RTKN2: variants seen among roughly 807,000 people sequenced by gnomAD.
RTKN2 encodes the protein rhotekin 2.
Under a neutral mutation model 71.5 loss-of-function variants are expected in RTKN2, and 69 were observed. The ratio of observed to expected loss-of-function variants is 0.96; its 90% CI spans 0.79 to 1.18. The LOEUF (loss-of-function observed/expected upper bound fraction) is 1.18, where lower values mean the gene tolerates loss of function less well. Ranked by LOEUF, RTKN2 falls within the 50% of genes most tolerant of loss-of-function variation. RTKN2 has a pLI of 0.00. For missense variants in RTKN2, 724 were observed against 719.7 expected (o/e 1.01, Z -0.07); for synonymous variants, 236 against 236.5 (o/e 1.00, Z 0.02).
chr10:62,197,837 TA>T lies in RTKN2; in HGVS notation c.*70del. The T allele has an allele frequency of 6.7e-7, 1 of 1,485,352 alleles. No homozygotes were observed. Among genetic ancestry groups the T allele is most frequent in the Non-Finnish European group, 9.0e-7 (1 of 1,115,714 alleles). The allele number at this position is 1,485,352 out of a possible 1,614,324, so 92.0% of individuals were successfully genotyped here. A position where few individuals can be genotyped will look rare whatever the true frequency, so the allele number is the denominator to read the frequency against. The stretch of plus-strand genomic sequence containing the variant: ...TATATTTACCTATATAATTACACAT[TA>T]TTCTATAATGCCTCTGAATTAAGCT... On this transcript the variant is annotated 3_prime_UTR_variant, in exon 12 of 12. Transcript: ENST00000373789.
Position 62,204,977 on chromosome 10 carries a change from G to A in RTKN2, c.1066C>T (p.His356Tyr). 1 of 1,597,694 alleles carries A rather than the reference G, an allele frequency of 6.3e-7. No individual in the cohort carries two copies. Among genetic ancestry groups the A allele is most frequent in the Non-Finnish European group, 8.5e-7 (1 of 1,174,726 alleles). ...ACAGGATTGATGACAGAGAAATTAT[G>A]GATTCTTTTCTTGGCATCCTTATCC... Reference protein sequence around the residue: ...AMDKDAKKRIHNFSVINPVPG... With the variant: ...AMDKDAKKRIYNFSVINPVPG... The change falls in exon 10 of 12, where the codon CAT becomes TAT. Residue 356 changes from histidine (H) to tyrosine (Y), a missense_variant. Transcript: ENST00000373789.
At chr10:62,186,472 AG>A (rs777096721) in intron 8 of RTKN2, among the ~76,000 whole-genome samples, 2 of 147,946 alleles carry the variant, frequency 1.4e-5, no homozygotes, top group Non-Finnish European at 3.0e-5. Flanking sequence ...CGGAATGAAA[AG>A]GAGATTAAAG....
intron 8 of RTKN2, among the ~76,000 whole-genome samples, chr10:62,184,616 T>C (rs372682613): frequency 6.6e-6 from 1 of 152,206 alleles, no homozygotes; most frequent in African/African-American, 2.4e-5. Flanking sequence ...AAACAGAGGC[T>C]GGATATTCAT....
At chr10:62,261,521 C>T (rs927109907) in intron 2 of RTKN2, among the ~76,000 whole-genome samples, 104 of 152,084 alleles carry the variant, frequency 6.8e-4, no homozygotes, top group African/African-American at 2.4e-3. Flanking sequence ...TGTGGTGGCA[C>T]ACGCCTATAG....
At position 62,224,452 on chromosome 10, in the gene RTKN2, C is replaced by T. The variant is rs1841976778; in HGVS notation, c.687-1120G>A. On this transcript the variant is annotated intron_variant, in intron 6 of 11. Coordinates refer to ENST00000373789, the MANE Select transcript of RTKN2 (RefSeq NM_145307.4). ...TGCAAATTATTTGTTTTAATTCACA[C>T]AAATGTTTCTCTGAAGGGTCCCCGT... 2.6e-5 allele frequency among the ~76,000 whole-genome samples: 4 copies of T among 152,072 alleles called. No homozygotes were observed. The South Asian group carries it at 6.2e-4, about 24-fold the overall frequency.
chr10:62,204,299 A>G (rs1258666662), intron 10 of RTKN2, among the ~76,000 whole-genome samples: 3 of 152,212 alleles, frequency 2.0e-5, no homozygotes, highest in Non-Finnish European at 2.9e-5. Flanking sequence ...TATTTTATAC[A>G]CTAGAGCCCT....
intron 3 of RTKN2, 140 bp from the exon 4 acceptor site, chr10:62,241,335 T>C: frequency 3.6e-6 from 2 of 561,878 alleles, no homozygotes; most frequent in Non-Finnish European, 6.3e-6. Context: ...GCACATTTTC[T>C]AGACATTGTT....
In RTKN2 at chr10:62,197,802, T is replaced by C. The variant is rs920418116; in HGVS notation, c.*106A>G. 24 of 1,434,500 alleles carry C rather than the reference T, an allele frequency of 1.7e-5. No individual in the cohort carries two copies. Among genetic ancestry groups the C allele is most frequent in the African/African-American group, 4.3e-5 (3 of 69,416 alleles). The allele number at this position is 1,434,500 out of a possible 1,614,324, so 88.9% of individuals were successfully genotyped here. Reference sequence around the variant, plus strand: ...TACCTAATAGCTTATTAATTATTGGTATAAATCACTATATTTACCTATATA... The same window carrying C: ...TACCTAATAGCTTATTAATTATTGGCATAAATCACTATATTTACCTATATA... On this transcript the variant is annotated 3_prime_UTR_variant, in exon 12 of 12. Coordinates refer to ENST00000373789, the MANE Select transcript of RTKN2 (RefSeq NM_145307.4).
chr10:62,221,650 G>A (rs532359890), intron 7 of RTKN2, among the ~76,000 whole-genome samples: 1 of 152,072 alleles, frequency 6.6e-6, no homozygotes, highest in Non-Finnish European at 1.5e-5. Context: ...TATAACTATG[G>A]GTCGAAAAAT....
intron 9 of RTKN2, among the ~76,000 whole-genome samples, chr10:62,213,931 G>C (rs1388144645): frequency 6.6e-6 from 1 of 151,930 alleles, no homozygotes; most frequent in Non-Finnish European, 1.5e-5. Context: ...TATATTTCTT[G>C]ACTGGGATAG....
intron 3 of RTKN2, among the ~76,000 whole-genome samples, chr10:62,242,102 C>T (rs1247270403): frequency 2.0e-5 from 3 of 151,794 alleles, no homozygotes; most frequent in African/African-American, 7.2e-5. Context: ...CCCTCCTTGG[C>T]CTCCCCAAGT....
Position 62,194,069 on chromosome 10 carries a change from T to C in RTKN2, c.*3839A>G. 3.1e-6 allele frequency: 3 copies of C among 981,658 alleles called. 1 individual carries two copies. The South Asian group carries it at 1.4e-4, about 46-fold the overall frequency. 60.8% of individuals were successfully genotyped at this position (981,658 alleles called of 1,614,324 possible). ...CTTGGGCTCGCTTACCAAATACCTT[T>C]GGTACTTTAAAAAATGTATGTCCAT... On this transcript the variant is annotated 3_prime_UTR_variant, in exon 12 of 12. Transcript: ENST00000373789.
intron 2 of RTKN2, among the ~76,000 whole-genome samples, chr10:62,259,597 G>C (rs1192520137): frequency 6.6e-6 from 1 of 151,924 alleles, no homozygotes; most frequent in Non-Finnish European, 1.5e-5. Flanking sequence ...TTTTGCGCTG[G>C]CTGGAGTGCT....
chr10:62,242,622 CT>C (rs11311959), intron 3 of RTKN2, among the ~76,000 whole-genome samples: 81,632 of 149,092 alleles, frequency 0.55, 23,061 homozygotes, highest in East Asian at 0.89. Flanking sequence ...AATCTATTAC[CT>C]TTTTTTTTTT....
Position 62,204,922 on chromosome 10 carries a change from G to A in RTKN2, c.1121C>T (p.Ala374Val). ...CTGAAGATCTTCTCTATTGTCAACT[G>A]CAAAAATCTGAGTTATAGCTTGTCC... ...VPGQAITQIF[A>V]VDNREDLQKW... The change falls in exon 10 of 12, where the codon GCA becomes GTA. Residue 374 changes from alanine (A) to valine (V), a missense_variant. Physicochemically the swap from Ala to Val is moderately conservative, Grantham distance 64. Transcript: ENST00000373789. 1 of 1,601,904 alleles carries A rather than the reference G, an allele frequency of 6.2e-7. No individual in the cohort carries two copies. The highest frequency in any genetic ancestry group is 8.5e-7 in the Non-Finnish European group (1 of 1,175,752).
intron 6 of RTKN2, among the ~76,000 whole-genome samples, chr10:62,225,923 A>C (rs986685070): frequency 6.6e-6 from 1 of 151,718 alleles, no homozygotes; most frequent in Non-Finnish European, 1.5e-5. Context: ...CTGGGACTAC[A>C]GGCGCCCGCC....
intron 10 of RTKN2, among the ~76,000 whole-genome samples, chr10:62,202,167 G>A (rs1841457514): frequency 6.6e-6 from 1 of 151,922 alleles, no homozygotes; most frequent in Non-Finnish European, 1.5e-5. Context: ...TCTTTTACAT[G>A]ACTGTTAACT....
intron 2 of RTKN2, among the ~76,000 whole-genome samples, chr10:62,251,354 G>A (rs534364225): frequency 6.6e-6 from 1 of 152,016 alleles, no homozygotes; most frequent in African/African-American, 2.4e-5. Flanking sequence ...TTTATCATAG[G>A]GGTGTATGTA....
At position 62,223,249 on chromosome 10, in the gene RTKN2, A is replaced by G. The variant is rs1171810370; in HGVS notation, c.770T>C (p.Ile257Thr). 1.3e-6 allele frequency: 2 copies of G among 1,592,172 alleles called. No individual in the cohort carries two copies. The highest frequency in any genetic ancestry group is 2.2e-5 in the East Asian group (1 of 44,698). ...EDSFKTHNLS[I>T]NGNEESSFWL... ...TATACTGTACTTACCATTTCCATTA[A>G]TAGACAGATTATGGGTCTTGAAACT... The change falls in exon 7 of 12, where the codon ATT (isoleucine) becomes ACT (threonine). Residue 257 changes from isoleucine to threonine, a missense_variant. Transcript: ENST00000373789.
Sources: allele counts gnomAD v4.1 joint callset (sites outside exome capture counted in the v4.1 genomes callset), GRCh38; gene constraint gnomAD v4.1.1; transcripts MANE v1.5; gene names NCBI Gene and HGNC (gene_info 2026-07-23, HGNC 2026-07-21).